Variants in RUNX1T1 observed in about 807,000 individuals in gnomAD.
RUNX1T1 encodes the protein protein CBFA2T1.
RUNX1T1 carries 4 observed loss-of-function variants against 62.8 expected under a neutral mutation model. That is an observed-to-expected ratio of 0.06 (90% confidence interval 0.03 to 0.15). The LOEUF is 0.15. Ranked by LOEUF, RUNX1T1 falls within the 10% of genes least tolerant of loss-of-function variation. The pLI is 1.00. For missense variants in RUNX1T1, 508 were observed against 754.3 expected, an observed-to-expected ratio of 0.67 and a Z score of 3.82; for synonymous variants, 291 against 286.0, an observed-to-expected ratio of 1.02 and a Z score of -0.18.
chr8:92,062,535 G>A (rs756206129), intron 1 of RUNX1T1: 2 of 1,613,474 alleles, frequency 1.2e-6, no homozygotes. Flanking sequence ...CACAGAACAG[G>A]GCTAACTCAC....
intron 1 of RUNX1T1, among the ~76,000 whole-genome samples, chr8:92,081,536 G>C (rs1309357759): frequency 7.4e-6 from 1 of 134,708 alleles, no homozygotes; most frequent in African/African-American, 2.7e-5. Context: ...ATGTTTGGTA[G>C]TTTTTTTTTT....
intron 1 of RUNX1T1, among the ~76,000 whole-genome samples, chr8:92,029,126 C>G (rs62520941): frequency 6.6e-6 from 1 of 152,032 alleles, no homozygotes; most frequent in African/African-American, 2.4e-5. Context: ...GTGGCTAAAT[C>G]GTAGACAAGC....
At chr8:92,103,060 C>T, upstream of RUNX1T1, 1 of 531,986 alleles carries the variant, frequency 1.9e-6, no homozygotes, top group Non-Finnish European at 2.9e-6. Context: ...TACGGCCGCC[C>T]GGCGCTGCGC....
intron 5 of RUNX1T1, among the ~76,000 whole-genome samples, chr8:92,003,127 C>T (rs1820078166): frequency 6.6e-6 from 1 of 152,146 alleles, no homozygotes. Flanking sequence ...GGCAACCATC[C>T]ATGAAAAACC....
At chr8:91,962,797 A>G (rs1031973150) in intron 10 of RUNX1T1, among the ~76,000 whole-genome samples, 1 of 152,242 alleles carries the variant, frequency 6.6e-6, no homozygotes, top group African/African-American at 2.4e-5. Flanking sequence ...ATCCAAAACA[A>G]TATTTTAAGG....
intron 4 of RUNX1T1, chr8:92,006,752 G>C (rs1820865141): frequency 6.7e-6 from 1 of 149,738 alleles, no homozygotes; most frequent in Non-Finnish European, 1.5e-5. Flanking sequence ...ATGGTCGTTT[G>C]TTGCACCTAT....
At chr8:92,031,050 T>A (rs1324053607) in intron 1 of RUNX1T1, among the ~76,000 whole-genome samples, 2 of 152,252 alleles carry the variant, frequency 1.3e-5, no homozygotes, top group East Asian at 3.8e-4. Flanking sequence ...TATTTCAATC[T>A]CTGGGCATAG....
At chr8:91,957,443 G>A, downstream of RUNX1T1, 1 of 231,542 alleles carries the variant, frequency 4.3e-6, no homozygotes, top group Non-Finnish European at 8.6e-6. Flanking sequence ...AGGAGGAGAG[G>A]AAGAGGAGGA....
At chr8:91,986,392 G>T in intron 7 of RUNX1T1, 67 bp from the exon 9 acceptor site, 1 of 1,280,812 alleles carries the variant, frequency 7.8e-7, no homozygotes, top group Non-Finnish European at 1.1e-6. Flanking sequence ...TTGCTGAGTA[G>T]TGAAACAAAC....
chr8:92,086,237 C>G (rs1244743232), intron 1 of RUNX1T1, among the ~76,000 whole-genome samples: 1 of 152,206 alleles, frequency 6.6e-6, no homozygotes, highest in Admixed American at 6.5e-5. Context: ...TCTCTACCTT[C>G]TCTCCTTCTT....
At chr8:91,994,391 A>G (rs1818284100) in intron 5 of RUNX1T1, 2 of 203,538 alleles carry the variant, frequency 9.8e-6, no homozygotes, top group South Asian at 9.4e-5. Context: ...TCTAAAAAAT[A>G]CACTTCAATA....
At chr8:92,056,608 CTT>C (rs199811616) in intron 1 of RUNX1T1, among the ~76,000 whole-genome samples, 2 of 144,860 alleles carry the variant, frequency 1.4e-5, no homozygotes, top group African/African-American at 2.5e-5. Context: ...AAATCAACTG[CTT>C]TTTTTTTTTT....
In RUNX1T1 at chr8:91,986,868, A is replaced by T; in HGVS notation, c.996+19T>A. The T allele has an allele frequency of 6.7e-7, 1 of 1,494,500 alleles. No homozygotes were observed. Among genetic ancestry groups the T allele is most frequent in the Non-Finnish European group, 9.3e-7 (1 of 1,072,314 alleles). The allele number at this position is 1,494,500 out of a possible 1,614,324, so 92.6% of individuals were successfully genotyped here. A position where few individuals can be genotyped will look rare whatever the true frequency, so the allele number is the denominator to read the frequency against. ...TTTTCCAAACATTTTTTAATCCCAAATGATTACTGATGTCTTACATGGTCA... is the reference window on the plus strand; with the variant it reads ...TTTTCCAAACATTTTTTAATCCCAATTGATTACTGATGTCTTACATGGTCA... On this transcript the variant is annotated intron_variant, in intron 7 of 10. Transcript: ENST00000396218.
chr8:92,007,175 T>C (rs569810857), intron 4 of RUNX1T1, among the ~76,000 whole-genome samples: 8 of 152,280 alleles, frequency 5.3e-5, no homozygotes, highest in Non-Finnish European at 1.2e-4. Flanking sequence ...TTAAAATTCA[T>C]CCTGGGCTGG....
exon 2 of RUNX1T1, chr8:92,076,107 T>C (rs1300576595): frequency 6.3e-7 from 1 of 1,578,858 alleles, no homozygotes; most frequent in Non-Finnish European, 8.6e-7. Flanking sequence ...GGGACAGAGA[T>C]TATGTTCACC....
At chr8:92,020,478 T>G (rs1297300257) in intron 1 of RUNX1T1, among the ~76,000 whole-genome samples, 2 of 152,130 alleles carry the variant, frequency 1.3e-5, no homozygotes, top group African/African-American at 4.8e-5. Context: ...ATTTCCATTT[T>G]TTAGTTGCAA....
chr8:92,095,654 G>T, intron 1 of RUNX1T1: 1 of 1,154,046 alleles, frequency 8.7e-7, no homozygotes. Context: ...AGGCAGGAGG[G>T]AAGGAGAGAC....
chr8:92,092,772 A>G (rs1004433097), intron 1 of RUNX1T1, among the ~76,000 whole-genome samples: 1 of 152,242 alleles, frequency 6.6e-6, no homozygotes, highest in African/African-American at 2.4e-5. Context: ...TTAATTGCAT[A>G]CTACCATTTA....
intron 8 of RUNX1T1, among the ~76,000 whole-genome samples, chr8:91,976,516 T>G (rs902278191): frequency 6.6e-6 from 1 of 152,218 alleles, no homozygotes. Context: ...CATATGGATT[T>G]GACATACGTG....
Sources: allele counts gnomAD v4.1 joint callset (sites outside exome capture counted in the v4.1 genomes callset), GRCh38; gene constraint gnomAD v4.1.1; transcripts MANE v1.5; gene names NCBI Gene and HGNC (gene_info 2026-07-23, HGNC 2026-07-21).